SDF2: variants seen among roughly 807,000 people sequenced by gnomAD.
SDF2 encodes the protein stromal cell-derived factor 2.
In SDF2, 12 loss-of-function variants were observed where a neutral mutation model predicts 20.5. The observed-to-expected ratio is 0.58, with a 90% CI of 0.37 to 0.95. The LOEUF (loss-of-function observed/expected upper bound fraction) is 0.95, where lower values mean the gene tolerates loss of function less well. Ranked by LOEUF, SDF2 falls within the 40% of genes least tolerant of loss-of-function variation. SDF2 has a pLI of 0.01. For synonymous variants in SDF2, 100 were observed against 101.0 expected (o/e 0.99, Z 0.06); for missense variants, 238 against 263.1 (o/e 0.90, Z 0.66).
intron 2 of SDF2, among the ~76,000 whole-genome samples, chr17:28,650,061 T>G (rs2071900549): frequency 6.6e-6 from 1 of 152,054 alleles, no homozygotes; most frequent in Non-Finnish European, 1.5e-5. Flanking sequence ...CAAGTGATTT[T>G]CCTGCCTCAG....
intron 1 of SDF2, chr17:28,661,243 C>T (rs951811383): frequency 2.8e-5 from 12 of 436,008 alleles, no homozygotes; most frequent in African/African-American, 2.1e-4. Flanking sequence ...GGGTTGTAGT[C>T]AACGAGTGAG....
chr17:28,661,904 T>A lies in SDF2; in HGVS notation c.-28A>T, dbSNP rs368597673. ...TAACTGTATCGCGGAGCCCCAAATC[T>A]TCGAAGAAAACTCGGCCCCTCCCCG... On this transcript the variant is annotated 5_prime_UTR_variant, in exon 1 of 3. The change creates a new upstream start codon in the 5' untranslated region. Coordinates refer to ENST00000247020, the MANE Select transcript of SDF2 (RefSeq NM_006923.4). The A allele has an allele frequency of 1.3e-6, 2 of 1,581,310 alleles. No individual in the cohort carries two copies. The highest frequency in any genetic ancestry group is 1.7e-6 in the Non-Finnish European group (2 of 1,155,996).
chr17:28,652,051 T>A (rs1028840360), intron 2 of SDF2, among the ~76,000 whole-genome samples: 2 of 151,988 alleles, frequency 1.3e-5, no homozygotes, highest in African/African-American at 4.8e-5. Context: ...CATGCCTGTA[T>A]CCCCAGCTAC....
chr17:28,661,662 G>C, intron 1 of SDF2, 64 bp downstream of exon 1: 2 of 1,550,414 alleles, frequency 1.3e-6, no homozygotes, highest in Non-Finnish European at 1.8e-6. Flanking sequence ...ATATTCTATA[G>C]GCCCCGCCCC....
At chr17:28,660,068 G>A (rs558832997) in intron 1 of SDF2, among the ~76,000 whole-genome samples, 9 of 152,308 alleles carry the variant, frequency 5.9e-5, no homozygotes, top group Non-Finnish European at 8.8e-5. Flanking sequence ...GCGAAACCCC[G>A]TCTCCACCAA....
chr17:28,656,667 AG>A, intron 1 of SDF2, among the ~76,000 whole-genome samples: 1 of 152,352 alleles, frequency 6.6e-6, no homozygotes, highest in South Asian at 2.1e-4. Context: ...ATGTCATATC[AG>A]AAAATTCTAA....
chr17:28,654,915 C>G (rs1029272182), intron 2 of SDF2, among the ~76,000 whole-genome samples: 1 of 152,082 alleles, frequency 6.6e-6, no homozygotes, highest in African/African-American at 2.4e-5. Flanking sequence ...GAGACCATGC[C>G]ATTGCACTCC....
At chr17:28,651,353 C>T (rs993808117) in intron 2 of SDF2, 1 of 152,204 alleles carries the variant, frequency 6.6e-6, no homozygotes, top group African/African-American at 2.4e-5. Context: ...CATGAGCCAC[C>T]ACATTCTGCC....
At chr17:28,650,234 G>T (rs1253451348) in intron 2 of SDF2, among the ~76,000 whole-genome samples, 2 of 152,056 alleles carry the variant, frequency 1.3e-5, no homozygotes, top group Non-Finnish European at 2.9e-5. Flanking sequence ...TTACAGGCAT[G>T]AGCCACCGTG....
At chr17:28,657,481 T>C (rs1266829533) in intron 1 of SDF2, among the ~76,000 whole-genome samples, 3 of 151,976 alleles carry the variant, frequency 2.0e-5, no homozygotes, top group Non-Finnish European at 4.4e-5. Context: ...CGCCACAGCC[T>C]TGACCTCCCA....
intron 1 of SDF2, among the ~76,000 whole-genome samples, chr17:28,658,768 T>A (rs1195733938): frequency 6.6e-6 from 1 of 152,218 alleles, no homozygotes; most frequent in Non-Finnish European, 1.5e-5. Context: ...ATGGTCGCTG[T>A]CTCTTCGGTG....
intron 2 of SDF2, 131 bp downstream of exon 2, chr17:28,655,156 A>G (rs1447217307): frequency 3.6e-6 from 3 of 841,116 alleles, no homozygotes; most frequent in Admixed American, 2.6e-5. Flanking sequence ...ACACAAAAAT[A>G]GAGCCATTTC....
At chr17:28,655,718 A>G in intron 1 of SDF2, 1 of 584,400 alleles carries the variant, frequency 1.7e-6, no homozygotes, top group East Asian at 2.9e-5. Context: ...AGCCTTAGAC[A>G]AGGGCCAAGC....
At chr17:28,655,710 C>A in intron 1 of SDF2, 1 of 595,478 alleles carries the variant, frequency 1.7e-6, no homozygotes, top group Non-Finnish European at 3.0e-6. Flanking sequence ...GCTGCCAAAG[C>A]CTTAGACAAG....
At position 28,661,753 on chromosome 17, in the gene SDF2, G is replaced by A; in HGVS notation, c.124C>T (p.His42Tyr). The change falls in exon 1 of 3, where the codon CAC becomes TAC. Residue 42 changes from histidine to tyrosine, a missense_variant. Physicochemically the swap from His to Tyr is moderately conservative, Grantham distance 83 (BLOSUM62 2). Coordinates refer to ENST00000247020, the MANE Select transcript of SDF2 (RefSeq NM_006923.4). ...GACCCATAGCGCACGTCGTGTGAGTGCAGTCGGACGTTGTGGCGCGTATTG... is the reference window on the plus strand; with the variant it reads ...GACCCATAGCGCACGTCGTGTGAGTACAGTCGGACGTTGTGGCGCGTATTG... ...LLNTRHNVRL[H>Y]SHDVRYGSGS... 4 of 1,614,042 alleles carry A rather than the reference G, an allele frequency of 2.5e-6. No homozygotes were observed. Among genetic ancestry groups the A allele is most frequent in the Non-Finnish European group, 3.4e-6 (4 of 1,179,958 alleles).
At chr17:28,660,840 A>C (rs2072024823) in intron 1 of SDF2, 1 of 164,600 alleles carries the variant, frequency 6.1e-6, no homozygotes, top group Non-Finnish European at 1.3e-5. Context: ...CAGCTATCTT[A>C]GATGCCTCTC....
chr17:28,650,127 T>C (rs901191585), intron 2 of SDF2, among the ~76,000 whole-genome samples: 2 of 151,946 alleles, frequency 1.3e-5, no homozygotes, highest in African/African-American at 4.8e-5. Context: ...TAATTTTGTA[T>C]TTTTAGTAGA....
intron 2 of SDF2, among the ~76,000 whole-genome samples, chr17:28,652,317 T>A (rs1353802980): frequency 1.3e-5 from 2 of 152,108 alleles, no homozygotes; most frequent in East Asian, 1.9e-4. Flanking sequence ...TTTATTTTTT[T>A]AATTTTTTTT....
chr17:28,652,048 G>T (rs918356541), intron 2 of SDF2, among the ~76,000 whole-genome samples: 3 of 152,106 alleles, frequency 2.0e-5, no homozygotes, highest in African/African-American at 7.2e-5. Context: ...GGGCATGCCT[G>T]TATCCCCAGC....
Sources: allele counts gnomAD v4.1 joint callset (sites outside exome capture counted in the v4.1 genomes callset), GRCh38; gene constraint gnomAD v4.1.1; transcripts MANE v1.5; gene names NCBI Gene and HGNC (gene_info 2026-07-23, HGNC 2026-07-21).